Variants in PKNOX2 observed in about 807,000 individuals in gnomAD.
PKNOX2 encodes the protein PBX/knotted 1 homeobox 2, also known as homeobox protein PKNOX2.
Under a neutral mutation model 53.1 loss-of-function variants are expected in PKNOX2, and 14 were observed. The observed-to-expected ratio is 0.26, with a 90% confidence interval of 0.17 to 0.41. PKNOX2 has a LOEUF of 0.41. Ranked by LOEUF, PKNOX2 falls within the 10% of genes least tolerant of loss-of-function variation. PKNOX2 has a pLI of 1.00. For synonymous variants in PKNOX2, 257 were observed against 242.8 expected, an observed-to-expected ratio of 1.06 and a Z score of -0.54; for missense variants, 496 against 602.8, an observed-to-expected ratio of 0.82 and a Z score of 1.85.
intron 6 of PKNOX2, among the ~76,000 whole-genome samples, chr11:125,393,817 G>A (rs1440433173): frequency 1.3e-5 from 2 of 151,392 alleles, no homozygotes; most frequent in South Asian, 2.1e-4. Flanking sequence ...CTAGAACCCC[G>A]TACTTGCTGT....
chr11:125,216,314 G>A (rs927391090), intron 1 of PKNOX2, among the ~76,000 whole-genome samples: 6 of 152,188 alleles, frequency 3.9e-5, no homozygotes, highest in Non-Finnish European at 5.9e-5. Flanking sequence ...ACAGGCCACG[G>A]TGTGACCCTG....
intron 10 of PKNOX2, among the ~76,000 whole-genome samples, chr11:125,421,696 A>G (rs1226461410): frequency 6.6e-6 from 1 of 152,264 alleles, no homozygotes; most frequent in Non-Finnish European, 1.5e-5. Context: ...AGGGCTATGC[A>G]CTGAACGATG....
intron 2 of PKNOX2, among the ~76,000 whole-genome samples, chr11:125,247,507 C>A (rs77479176): frequency 0.017 from 2,625 of 152,280 alleles, 29 homozygotes; most frequent in Middle Eastern, 0.041. Flanking sequence ...GTCTGCAGGG[C>A]AGATTATGCC....
At chr11:125,343,739 A>G (rs1196440079) in intron 3 of PKNOX2, among the ~76,000 whole-genome samples, 1 of 151,650 alleles carries the variant, frequency 6.6e-6, no homozygotes, top group Non-Finnish European at 1.5e-5. Context: ...GTGGGGCTCC[A>G]GCACTCTTGT....
At chr11:125,271,609 T>G (rs934495785) in intron 2 of PKNOX2, among the ~76,000 whole-genome samples, 3 of 152,252 alleles carry the variant, frequency 2.0e-5, no homozygotes, top group African/African-American at 7.2e-5. Flanking sequence ...TCTCAGTTCC[T>G]GTGTTCCAGA....
intron 3 of PKNOX2, among the ~76,000 whole-genome samples, chr11:125,339,238 C>A (rs1209307646): frequency 1.3e-5 from 2 of 152,186 alleles, no homozygotes; most frequent in East Asian, 1.9e-4. Flanking sequence ...TGGGTAATAA[C>A]CCTGCTGCTG....
At chr11:125,315,492 G>C (rs1202054168) in intron 2 of PKNOX2, among the ~76,000 whole-genome samples, 1 of 152,112 alleles carries the variant, frequency 6.6e-6, no homozygotes, top group African/African-American at 2.4e-5. Flanking sequence ...TTCTCACAGG[G>C]AGTGGGCTTG....
intron 1 of PKNOX2, among the ~76,000 whole-genome samples, chr11:125,170,420 TG>T (rs1325982110): frequency 1.3e-5 from 2 of 152,136 alleles, no homozygotes; most frequent in African/African-American, 4.8e-5. Flanking sequence ...GAGACAGGGC[TG>T]GGGGTTGAGA....
At chr11:125,360,955 C>A (rs1487084704) in intron 4 of PKNOX2, among the ~76,000 whole-genome samples, 1 of 152,186 alleles carries the variant, frequency 6.6e-6, no homozygotes, top group Non-Finnish European at 1.5e-5. Flanking sequence ...GAGATTCATC[C>A]CAGCACAGCG....
At chr11:125,282,160 TG>T (rs1171819996) in intron 2 of PKNOX2, among the ~76,000 whole-genome samples, 1 of 152,230 alleles carries the variant, frequency 6.6e-6, no homozygotes, top group Non-Finnish European at 1.5e-5. Flanking sequence ...AAAGAAAAGC[TG>T]TCTGTCAGCT....
chr11:125,340,306 G>A (rs971304450), intron 3 of PKNOX2, among the ~76,000 whole-genome samples: 4 of 152,172 alleles, frequency 2.6e-5, no homozygotes, highest in African/African-American at 4.8e-5. Context: ...GCCAGTATTC[G>A]AGGGCCCAAC....
intron 2 of PKNOX2, among the ~76,000 whole-genome samples, chr11:125,297,286 C>G (rs949116419): frequency 1.2e-4 from 18 of 152,276 alleles, no homozygotes; most frequent in Middle Eastern, 6.8e-3. Flanking sequence ...ATCATTTGAC[C>G]TCAATTTGTT....
At chr11:125,316,088 AG>A (rs554169161) in intron 2 of PKNOX2, among the ~76,000 whole-genome samples, 31 of 152,302 alleles carry the variant, frequency 2.0e-4, no homozygotes, top group African/African-American at 6.7e-4. Context: ...GGAGTGCAAA[AG>A]GCTCCTTTGC....
At position 125,199,037 on chromosome 11, in the gene PKNOX2, T is replaced by C. The variant is rs548273166; in HGVS notation, c.-201+34261T>C. 4.4e-4 allele frequency among the ~76,000 whole-genome samples: 67 copies of C among 152,196 alleles called. 1 individual carries two copies. The highest frequency in any genetic ancestry group is 3.4e-3 in the Middle Eastern group (1 of 294). On this transcript the variant is annotated intron_variant, in intron 1 of 12. Transcript: ENST00000298282. ...TGCATTTTCAGTAGAGACAGGGTTT[T>C]GTCATGTTGGCCAGGCTGATCTCAA... is the stretch of plus-strand genomic sequence containing the variant.
chr11:125,410,974 A>G, intron 9 of PKNOX2, 98 bp downstream of exon 9: 1 of 946,276 alleles, frequency 1.1e-6, no homozygotes, highest in Non-Finnish European at 1.7e-6. Flanking sequence ...TGACTCATTG[A>G]ATCCTCATCA....
chr11:125,395,407 A>T (rs1262423389), intron 6 of PKNOX2, among the ~76,000 whole-genome samples: 1 of 152,220 alleles, frequency 6.6e-6, no homozygotes, highest in Admixed American at 6.5e-5. Context: ...TTGTAAGAAC[A>T]TATGTTTTTA....
rs1287259797 is a variant in PKNOX2, at chr11:125,367,880, A to G, written c.122A>G (p.Gln41Arg). The G allele has an allele frequency of 6.2e-7, 1 of 1,613,404 alleles. No homozygotes were observed. The highest frequency in any genetic ancestry group is 1.1e-5 in the South Asian group (1 of 91,008). Residue 41 changes from glutamine (Q) to arginine (R), a missense_variant, in exon 5 of 13, where the codon CAG becomes CGG. This residue lies in a region of PKNOX2 where 168 missense variants were observed against 178.4 expected (regional missense o/e 0.94). Coordinates refer to ENST00000298282, the MANE Select transcript of PKNOX2 (RefSeq NM_001382323.2). ...TATAQPPSKA[Q>R]AVHISAPSAA... ...ACCGCCCAGCCACCCTCCAAGGCCC[A>G]GGCTGTCCACATCTCTGCCCCCTCA...
intron 11 of PKNOX2, 119 bp from the exon 12 acceptor site, chr11:125,429,844 G>T: frequency 1.7e-6 from 2 of 1,207,376 alleles, no homozygotes; most frequent in South Asian, 3.2e-5. Flanking sequence ...TTTACATCCG[G>T]GATGGGAACC....
chr11:125,289,821 C>T (rs1352727293), intron 2 of PKNOX2, among the ~76,000 whole-genome samples: 3 of 152,172 alleles, frequency 2.0e-5, no homozygotes, highest in Non-Finnish European at 4.4e-5. Flanking sequence ...GCGTGTCACT[C>T]GGTGCTCATT....
Sources: gnomAD v4.1 joint callset for allele counts (sites outside exome capture counted in the v4.1 genomes callset) on GRCh38, gnomAD v4.1.1 for gene constraint, gnomAD v4.1.1 regional missense constraint, MANE v1.5 for transcripts, NCBI Gene and HGNC (gene_info 2026-07-23, HGNC 2026-07-21) for gene names.